Variants in LRP2 observed in about 807,000 individuals in gnomAD.
LRP2 encodes the protein low-density lipoprotein receptor-related protein 2.
In LRP2, 172 loss-of-function variants were observed where a neutral mutation model predicts 531.0. The observed-to-expected ratio is 0.32, with a 90% CI of 0.29 to 0.37. The LOEUF is 0.37. LRP2 is among the 10% of genes least tolerant of loss of function. The pLI, the probability that LRP2 is intolerant of heterozygous loss-of-function variation, is 1.00. For missense variants in LRP2, 5,167 were observed against 5,868.3 expected (o/e 0.88, Z 3.90); for synonymous variants, 1,992 against 2,027.6 (o/e 0.98, Z 0.47).
chr2:169,147,108 T>C, intron 68 of LRP2, 149 bp from the exon 69 acceptor site: 1 of 692,840 alleles, frequency 1.4e-6, no homozygotes, highest in Non-Finnish European at 2.6e-6. Flanking sequence ...TTACAGAAGA[T>C]GGGGAGCAAA....
Position 169,310,471 on chromosome 2 carries a change from G to A in LRP2, c.311-3074C>T, listed in dbSNP as rs574164124. On this transcript the variant is annotated intron_variant, in intron 3 of 78. Coordinates refer to ENST00000649046, the MANE Select transcript of LRP2 (RefSeq NM_004525.3). ...CTATTGAGATAATCATGTGGTTTTTGTCTTTGGTTCTGTTTATATGATGGA... is the reference window on the plus strand; with the variant it reads ...CTATTGAGATAATCATGTGGTTTTTATCTTTGGTTCTGTTTATATGATGGA... Among the ~76,000 whole-genome samples the A allele has an allele frequency of 6.6e-5, 10 of 152,258 alleles. No individual in the cohort carries two copies. In the East Asian group the frequency reaches 1.7e-3, roughly 26 times the overall value.
chr2:169,143,390 C>A (rs1170638246), intron 70 of LRP2, among the ~76,000 whole-genome samples: 1 of 152,152 alleles, frequency 6.6e-6, no homozygotes, highest in Non-Finnish European at 1.5e-5. Context: ...CACCTGTAAT[C>A]CCAGCACTTT....
chr2:169,195,395 A>G (rs2105316744), intron 46 of LRP2, among the ~76,000 whole-genome samples: 1 of 152,274 alleles, frequency 6.6e-6, no homozygotes, highest in South Asian at 2.1e-4. Context: ...TCAAATTCAC[A>G]CTCAACCTTT....
intron 47 of LRP2, among the ~76,000 whole-genome samples, chr2:169,193,318 C>T (rs1219762100): frequency 1.3e-5 from 2 of 151,196 alleles, no homozygotes; most frequent in African/African-American, 4.9e-5. Flanking sequence ...ATGGTCCCAA[C>T]TACTTGGGAG....
chr2:169,182,198 G>A lies in LRP2; in HGVS notation c.9967C>T (p.Pro3323Ser), dbSNP rs749543902. The A allele has an allele frequency of 5.0e-6, 8 of 1,613,988 alleles. No homozygotes were observed. The highest frequency in any genetic ancestry group is 6.8e-6 in the Non-Finnish European group (8 of 1,179,988). Residue 3323 changes from proline (P) to serine (S), a missense_variant, in exon 51 of 79, where the codon CCC (proline) becomes TCC (serine). This residue lies in a region of LRP2 where 1,129 missense variants were observed against 1,362.7 expected (regional missense o/e 0.83). Transcript: ENST00000649046. Reference sequence around the variant, plus strand: ...TGAGGGTGAAGGGCAAGTCCTCTGGGATTATCAAAGCAGAAGGTGTTGTTG... The same window carrying A: ...TGAGGGTGAAGGGCAAGTCCTCTGGAATTATCAAAGCAGAAGGTGTTGTTG... ...DANNTFCFDN[P>S]RGLALHPQYG...
At chr2:169,360,128 C>CA (rs67818940) in intron 1 of LRP2, among the ~76,000 whole-genome samples, 20,327 of 103,888 alleles carry the variant, frequency 0.2, 1,584 homozygotes, top group Non-Finnish European at 0.25. Context: ...CTGTCTCTCT[C>CA]AAAAAAAAAA....
At chr2:169,226,889 A>G (rs563381748) in intron 31 of LRP2, among the ~76,000 whole-genome samples, 1 of 152,250 alleles carries the variant, frequency 6.6e-6, no homozygotes, top group African/African-American at 2.4e-5. Flanking sequence ...CATGTTTGCT[A>G]AACCTCACAG....
intron 16 of LRP2, among the ~76,000 whole-genome samples, chr2:169,266,103 T>C (rs4613240): frequency 0.17 from 25,786 of 152,004 alleles, 2,621 homozygotes; most frequent in South Asian, 0.28. Context: ...ACAATATTTA[T>C]ATTTATATTA....
intron 64 of LRP2, 62 bp downstream of exon 64, chr2:169,157,309 G>C (rs1686367215): frequency 6.6e-7 from 1 of 1,509,238 alleles, no homozygotes; most frequent in Non-Finnish European, 9.2e-7. Flanking sequence ...ACAAAGGGGA[G>C]TGGGTGGAGA....
intron 3 of LRP2, among the ~76,000 whole-genome samples, chr2:169,314,096 A>T (rs2105505767): frequency 6.6e-6 from 1 of 152,294 alleles, no homozygotes; most frequent in South Asian, 2.1e-4. Context: ...TAACATGAAA[A>T]ACCTTTTCAA....
At chr2:169,288,921 A>G in intron 9 of LRP2, 105 bp downstream of exon 9, 1 of 1,558,556 alleles carries the variant, frequency 6.4e-7, no homozygotes, top group East Asian at 2.3e-5. Context: ...GTTATGACAG[A>G]CCATGACGAC....
chr2:169,333,426 A>T (rs1324682565), intron 1 of LRP2, among the ~76,000 whole-genome samples: 1 of 145,784 alleles, frequency 6.9e-6, no homozygotes, highest in Non-Finnish European at 1.5e-5. Flanking sequence ...TGAAACTAAG[A>T]TGATGTCCAA....
chr2:169,235,223 T>C (rs2105374182), intron 29 of LRP2, among the ~76,000 whole-genome samples: 1 of 143,862 alleles, frequency 7.0e-6, no homozygotes, highest in African/African-American at 2.7e-5. Context: ...AGTTAAGTTA[T>C]AAATTTTTGC....
At chr2:169,318,118 T>A (rs1684815379) in intron 3 of LRP2, among the ~76,000 whole-genome samples, 2 of 151,900 alleles carry the variant, frequency 1.3e-5, no homozygotes, top group Admixed American at 6.6e-5. Flanking sequence ...ATAAAATTAT[T>A]GTTAGACCTA....
At chr2:169,301,138 C>A (rs1476405344) in intron 4 of LRP2, among the ~76,000 whole-genome samples, 1 of 152,044 alleles carries the variant, frequency 6.6e-6, no homozygotes, top group African/African-American at 2.4e-5. Context: ...AGAAGTGCTG[C>A]AAACCAACGA....
At chr2:169,223,954 C>T (rs988109549) in intron 33 of LRP2, among the ~76,000 whole-genome samples, 30 of 152,158 alleles carry the variant, frequency 2.0e-4, no homozygotes, top group African/African-American at 2.4e-5. Flanking sequence ...TTTTCTCTGC[C>T]TGGGACACCT....
At chr2:169,260,187 T>C (rs1690488866) in intron 16 of LRP2, among the ~76,000 whole-genome samples, 1 of 152,080 alleles carries the variant, frequency 6.6e-6, no homozygotes, top group East Asian at 1.9e-4. Flanking sequence ...AGGTAATTCA[T>C]AGTGAGGTGG....
chr2:169,312,738 G>C (rs1268892674), intron 3 of LRP2, among the ~76,000 whole-genome samples: 1 of 152,172 alleles, frequency 6.6e-6, no homozygotes, highest in Non-Finnish European at 1.5e-5. Flanking sequence ...TCCTGAATTT[G>C]AGTGTTGGCC....
intron 16 of LRP2, among the ~76,000 whole-genome samples, chr2:169,265,438 C>T (rs1176270258): frequency 2.0e-5 from 3 of 151,888 alleles, no homozygotes; most frequent in Non-Finnish European, 4.4e-5. Context: ...GAAAAAGCTT[C>T]CATCAAAAAG....
Sources: allele counts gnomAD v4.1 joint callset (sites outside exome capture counted in the v4.1 genomes callset), GRCh38; gene constraint gnomAD v4.1.1; regional missense constraint gnomAD v4.1.1; transcripts MANE v1.5; gene names NCBI Gene and HGNC (gene_info 2026-07-23, HGNC 2026-07-21).